Variants in TTBK2 observed in about 807,000 individuals in gnomAD.
The protein encoded by TTBK2 is tau-tubulin kinase 2.
In TTBK2, 28 loss-of-function variants were observed where a neutral mutation model predicts 110.8. That is an observed-to-expected ratio of 0.25 (90% CI 0.19 to 0.35). TTBK2 has a LOEUF of 0.35. Among genes scored for constraint, TTBK2 ranks in the 10% least tolerant of loss-of-function variants. TTBK2 has a pLI of 1.00. For missense variants in TTBK2, 1,369 were observed against 1,500.3 expected (o/e 0.91, Z 1.45); for synonymous variants, 532 against 527.3 (o/e 1.01, Z -0.12).
intron 3 of TTBK2, among the ~76,000 whole-genome samples, chr15:42,860,637 T>C (rs1894117642): frequency 7.6e-6 from 1 of 131,328 alleles, no homozygotes; most frequent in African/African-American, 3.5e-5. Flanking sequence ...TGGGGTATTC[T>C]TTCTTTTTTT....
At chr15:42,748,968 T>G (rs903695951) in intron 14 of TTBK2, among the ~76,000 whole-genome samples, 4 of 152,220 alleles carry the variant, frequency 2.6e-5, no homozygotes, top group Non-Finnish European at 4.4e-5. Context: ...TATCAAATCA[T>G]GGACAACGTA....
chr15:42,880,575 T>G (rs934533494), intron 1 of TTBK2, among the ~76,000 whole-genome samples: 5 of 152,114 alleles, frequency 3.3e-5, no homozygotes, highest in Non-Finnish European at 7.4e-5. Flanking sequence ...TGTTTATTTT[T>G]AATAGACAGG....
In TTBK2 at chr15:42,796,566, T is replaced by C. The variant is rs1304225428; in HGVS notation, c.823-1765A>G. 1.3e-5 allele frequency among the ~76,000 whole-genome samples: 2 copies of C among 152,186 alleles called. 1 individual carries two copies. Among genetic ancestry groups the C allele is most frequent in the Admixed American group, 1.3e-4 (2 of 15,282 alleles). ...AAGGAAACAAAAAAGGAGTGGCCAG[T>C]GAGGCAGGAAAACCACGAGTCTGGT... On this transcript the variant is annotated intron_variant, in intron 9 of 14. Transcript: ENST00000267890.
At chr15:42,808,169 A>G (rs931354700) in intron 9 of TTBK2, among the ~76,000 whole-genome samples, 1 of 152,216 alleles carries the variant, frequency 6.6e-6, no homozygotes, top group Non-Finnish European at 1.5e-5. Context: ...GATTCCTGGT[A>G]GAAAACAAAA....
At chr15:42,883,558 C>A (rs1895132121) in intron 1 of TTBK2, among the ~76,000 whole-genome samples, 1 of 150,636 alleles carries the variant, frequency 6.6e-6, no homozygotes, top group Admixed American at 6.6e-5. Flanking sequence ...TATCGTAAGC[C>A]CTATAGCAAC....
intron 6 of TTBK2, among the ~76,000 whole-genome samples, chr15:42,819,871 T>C (rs544677300): frequency 1.3e-5 from 2 of 152,320 alleles, no homozygotes; most frequent in South Asian, 4.1e-4. Context: ...TTTTTTGTGT[T>C]GTGTAATTTT....
chr15:42,815,299 A>G (rs929206544), intron 7 of TTBK2, among the ~76,000 whole-genome samples: 5 of 152,138 alleles, frequency 3.3e-5, no homozygotes, highest in Non-Finnish European at 4.4e-5. Flanking sequence ...ACTATTTTCA[A>G]TTTATAATCA....
In TTBK2 at chr15:42,810,849, T is replaced by C; in HGVS notation, c.697-110A>G. ...ATGTACTAGGGAATGAGATAGTGGG[T>C]AATTAAGCATAAAGCAAGAACTGAG... On this transcript the variant is annotated intron_variant, in intron 8 of 14. Transcript: ENST00000267890. The C allele has an allele frequency of 5.6e-6, 7 of 1,261,004 alleles. No individual in the cohort carries two copies. The South Asian group carries it at 8.7e-5, about 16-fold the overall frequency. 78.1% of individuals were successfully genotyped at this position (1,261,004 alleles called of 1,614,324 possible).
intron 10 of TTBK2, among the ~76,000 whole-genome samples, chr15:42,787,066 T>C (rs1890443657): frequency 6.6e-6 from 1 of 152,194 alleles, no homozygotes; most frequent in Admixed American, 6.5e-5. Context: ...ATCCTTTTCA[T>C]ATTTCATTCC....
chr15:42,803,454 C>A lies in TTBK2; in HGVS notation c.822+7160G>T, dbSNP rs1276880170. 3.3e-5 allele frequency among the ~76,000 whole-genome samples: 5 copies of A among 152,112 alleles called. No homozygotes were observed. The East Asian group carries it at 9.6e-4, about 29-fold the overall frequency. On this transcript the variant is annotated intron_variant, in intron 9 of 14. Coordinates refer to ENST00000267890, the MANE Select transcript of TTBK2 (RefSeq NM_173500.4). Reference sequence around the variant, plus strand: ...TTAAGATACTGGAGATTCAGAAGTGCCCCATGTGGTTGGCTGCCCCAGGAC... The same window carrying A: ...TTAAGATACTGGAGATTCAGAAGTGACCCATGTGGTTGGCTGCCCCAGGAC...
At chr15:42,834,191 A>AG (rs1157386482) in intron 4 of TTBK2, among the ~76,000 whole-genome samples, 1 of 131,468 alleles carries the variant, frequency 7.6e-6, no homozygotes, top group Non-Finnish European at 1.5e-5. Flanking sequence ...CTCAAAAAAA[A>AG]AAAAAGGGGG....
chr15:42,885,830 A>T (rs1895220534), intron 1 of TTBK2, among the ~76,000 whole-genome samples: 1 of 152,060 alleles, frequency 6.6e-6, no homozygotes, highest in African/African-American at 2.4e-5. Flanking sequence ...TGTTCTCAAG[A>T]ACTTAAAACC....
At chr15:42,868,499 G>A (rs1391675783) in intron 3 of TTBK2, among the ~76,000 whole-genome samples, 1 of 152,082 alleles carries the variant, frequency 6.6e-6, no homozygotes, top group Non-Finnish European at 1.5e-5. Flanking sequence ...ATTTTGCTGT[G>A]AACCTAAAAC....
Position 42,794,665 on chromosome 15 carries a change from C to G in TTBK2, c.959G>C (p.Arg320Pro). ...ATACCCAATTGCAGCAGGGGTCAAG[C>G]GAGTGTGCAACTGAGGGGTGGTAGA... Reference protein sequence around the residue: ...TTSTTPQLHTRLTPAAIGIAN... With the variant: ...TTSTTPQLHTPLTPAAIGIAN... The change falls in exon 10 of 15, where the codon CGC becomes CCC. Residue 320 changes from arginine to proline, a missense_variant. This residue lies in a region of TTBK2 where 1,097 missense variants were observed against 1,114.7 expected (regional missense o/e 0.98). Coordinates refer to ENST00000267890, the MANE Select transcript of TTBK2 (RefSeq NM_173500.4). 6.2e-7 allele frequency: 1 copy of G among 1,614,016 alleles called. No individual in the cohort carries two copies. Among genetic ancestry groups the G allele is most frequent in the Non-Finnish European group, 8.5e-7 (1 of 1,180,008 alleles).
At chr15:42,765,222 G>A (rs899708346) in intron 13 of TTBK2, among the ~76,000 whole-genome samples, 85 of 152,326 alleles carry the variant, frequency 5.6e-4, no homozygotes, top group African/African-American at 1.9e-3. Context: ...CCAAAGGATT[G>A]CAGCTCCTCG....
At chr15:42,893,709 A>G (rs1288698653) in intron 1 of TTBK2, among the ~76,000 whole-genome samples, 1 of 152,008 alleles carries the variant, frequency 6.6e-6, no homozygotes, top group Non-Finnish European at 1.5e-5. Flanking sequence ...CTCTTTATAA[A>G]GATCAATACA....
intron 3 of TTBK2, among the ~76,000 whole-genome samples, chr15:42,869,511 A>C (rs1032367402): frequency 2.6e-5 from 4 of 152,152 alleles, no homozygotes; most frequent in Admixed American, 1.3e-4. Context: ...AAAATGGAGA[A>C]GTGAAGATAT....
In TTBK2 at chr15:42,756,880, C is replaced by A. The variant is rs946696143; in HGVS notation, c.1999-3633G>T. Among the ~76,000 whole-genome samples, 10 of 150,286 alleles carry A rather than the reference C, an allele frequency of 6.7e-5. No homozygotes were observed. The East Asian group carries it at 1.0e-3, about 15-fold the overall frequency. Reference sequence around the variant, plus strand: ...TACCCCACCTCAAAAAAAACAAAAACAAAAACAAAAACAAAACACCAAAGC... The same window carrying A: ...TACCCCACCTCAAAAAAAACAAAAAAAAAAACAAAAACAAAACACCAAAGC... On this transcript the variant is annotated intron_variant, in intron 13 of 14. Coordinates refer to ENST00000267890, the MANE Select transcript of TTBK2 (RefSeq NM_173500.4).
chr15:42,828,112 T>G (rs1007510229), intron 5 of TTBK2, 80 bp from the exon 6 acceptor site: 1 of 1,124,262 alleles, frequency 8.9e-7, no homozygotes, highest in South Asian at 1.4e-5. Flanking sequence ...ATTTTAAGTC[T>G]TCTTCTATTT....
Sources: allele counts gnomAD v4.1 joint callset (sites outside exome capture counted in the v4.1 genomes callset), GRCh38; gene constraint gnomAD v4.1.1; regional missense constraint gnomAD v4.1.1; transcripts MANE v1.5; gene names NCBI Gene and HGNC (gene_info 2026-07-23, HGNC 2026-07-21).